FAM186B: variants seen among roughly 807,000 people sequenced by gnomAD.
The protein encoded by FAM186B is family with sequence similarity 186 member B.
FAM186B carries 68 observed loss-of-function variants against 83.4 expected under a neutral mutation model. That is an observed-to-expected ratio of 0.81 (90% CI 0.67 to 1.00). The LOEUF is 1.00. Ranked by LOEUF, FAM186B falls within the 50% of genes least tolerant of loss-of-function variation. The pLI is 0.00. For missense variants in FAM186B, 983 were observed against 1,099.2 expected (o/e 0.89, Z 1.49); for synonymous variants, 389 against 422.0 (o/e 0.92, Z 0.96).
chr12:49,594,181 C>A, intron 5 of FAM186B: 1 of 279,294 alleles, frequency 3.6e-6, no homozygotes, highest in South Asian at 5.2e-5. Context: ...ATCCAGGGAT[C>A]CAATCAGATG....
chr12:49,591,908 C>G (rs1360915332), intron 5 of FAM186B, among the ~76,000 whole-genome samples: 1 of 151,854 alleles, frequency 6.6e-6, no homozygotes, highest in Admixed American at 6.6e-5. Flanking sequence ...TAGGGAATAA[C>G]AAGAAAAAAA....
intron 1 of FAM186B, chr12:49,605,114 C>T: frequency 4.1e-6 from 5 of 1,232,472 alleles, no homozygotes; most frequent in Non-Finnish European, 5.2e-6. Context: ...ACCACACCAC[C>T]ACGATGTGCC....
intron 6 of FAM186B, 119 bp downstream of exon 6, chr12:49,588,335 T>G: frequency 7.9e-7 from 1 of 1,264,630 alleles, no homozygotes; most frequent in Non-Finnish European, 1.1e-6. Flanking sequence ...TTGCAACTCG[T>G]AGGGTGATAT....
the FAM186B span, among the ~76,000 whole-genome samples, chr12:49,611,065 CGTT>C: frequency 1.3e-5 from 2 of 151,158 alleles, no homozygotes; most frequent in Non-Finnish European, 2.9e-5. Flanking sequence ...CATGGTGAAA[CGTT>C]GTCTCTACTA....
At chr12:49,585,442 C>T (rs1939420875), downstream of FAM186B, among the ~76,000 whole-genome samples, 1 of 152,178 alleles carries the variant, frequency 6.6e-6, no homozygotes, top group East Asian at 1.9e-4. Context: ...ACACACAGCT[C>T]TCCCACCTGT....
At chr12:49,619,479 G>C in the FAM186B span, 1 of 676,954 alleles carries the variant, frequency 1.5e-6, no homozygotes, top group East Asian at 2.8e-5. Flanking sequence ...AAACTGAAGA[G>C]CAGGGGAAAT....
chr12:49,600,078 C>T lies in FAM186B; in HGVS notation c.1562G>A (p.Trp521Ter), dbSNP rs754446694. 5 of 1,607,950 alleles carry T rather than the reference C, an allele frequency of 3.1e-6. No homozygotes were observed. The highest frequency in any genetic ancestry group is 4.2e-6 in the Non-Finnish European group (5 of 1,176,908). ...EQEHQEKLRQWNLEDLAREQQ... is the reference protein window; with the variant it reads ...EQEHQEKLRQ ...CTCCCTGGCCAGGTCTTCCAGATTC[C>T]ACTGCCGCAGCTTCTCCTGATGCTC... The change falls in exon 4 of 7, where the codon TGG (tryptophan) becomes TAG (stop). Residue 521 changes from tryptophan (W) to a stop codon, truncating the protein, a stop_gained. Transcript: ENST00000257894. LOFTEE classifies it high-confidence loss of function. The surrounding 1 kb of genome is among the most constrained non-coding windows in gnomAD (Gnocchi z 4.3).
At chr12:49,588,978 G>A (rs1939515308) in intron 5 of FAM186B, among the ~76,000 whole-genome samples, 1 of 152,218 alleles carries the variant, frequency 6.6e-6, no homozygotes, top group Admixed American at 6.5e-5. Context: ...GGACTGCACT[G>A]GGTATCTTTT....
At chr12:49,588,720 C>T in intron 5 of FAM186B, 97 bp from the exon 6 acceptor site, 1 of 1,295,846 alleles carries the variant, frequency 7.7e-7, no homozygotes, top group Non-Finnish European at 1.1e-6. Flanking sequence ...CCCTGCTGGA[C>T]TCAGGGCTGA....
chr12:49,610,579 A>G (rs962936346), upstream of FAM186B, among the ~76,000 whole-genome samples: 4 of 151,872 alleles, frequency 2.6e-5, no homozygotes, highest in African/African-American at 9.7e-5. Context: ...TCATGAGGTC[A>G]GGAGACTGAG....
At chr12:49,622,520 A>C in the FAM186B span, 1 of 152,278 alleles carries the variant, frequency 6.6e-6, no homozygotes, top group Non-Finnish European at 1.5e-5. Context: ...TAAGAAAAGA[A>C]AACCGCAGAG....
downstream of FAM186B, chr12:49,584,080 C>A: frequency 5.5e-6 from 1 of 183,318 alleles, no homozygotes; most frequent in South Asian, 1.1e-4. Flanking sequence ...TTGTTCTCAC[C>A]TTCTGAGCTT....
In FAM186B at chr12:49,587,559, C is replaced by A; in HGVS notation, c.*46G>T. 6.2e-7 allele frequency: 1 copy of A among 1,612,858 alleles called. No homozygotes were observed. Among genetic ancestry groups the A allele is most frequent in the Non-Finnish European group, 8.5e-7 (1 of 1,178,824 alleles). The stretch of plus-strand genomic sequence containing the variant: ...GAATCCACATTGACCATCAGCCTCG[C>A]ACCTTACTGGGCCTTCAGGAAGTTC... On this transcript the variant is annotated 3_prime_UTR_variant, in exon 7 of 7. Coordinates refer to ENST00000257894, the MANE Select transcript of FAM186B (RefSeq NM_032130.3).
Position 49,598,736 on chromosome 12 carries a change from G to A in FAM186B, c.2364+19C>T, listed in dbSNP as rs555173522. ...CCCCAGGAGGCGGAGTGGCGGGGGGGTCAGGGCGGGAGGCCCACCTTGGGG... is the reference window on the plus strand; with the variant it reads ...CCCCAGGAGGCGGAGTGGCGGGGGGATCAGGGCGGGAGGCCCACCTTGGGG... On this transcript the variant is annotated intron_variant, in intron 5 of 6. Coordinates refer to ENST00000257894, the MANE Select transcript of FAM186B (RefSeq NM_032130.3). 3.9e-4 allele frequency: 604 copies of A among 1,556,824 alleles called. 13 individuals are homozygous for A. In the South Asian group the frequency reaches 6.9e-3, roughly 18 times the overall value.
At chr12:49,613,745 G>A in the FAM186B span, among the ~76,000 whole-genome samples, 44 of 148,212 alleles carry the variant, frequency 3.0e-4, no homozygotes, top group Middle Eastern at 0.012. Context: ...AGGCTGAGGC[G>A]GGAGGATCAC....
In FAM186B at chr12:49,600,041, T is replaced by A. The variant is rs767899751; in HGVS notation, c.1599A>T (p.Arg533Ser). The A allele has an allele frequency of 5.0e-6, 8 of 1,606,576 alleles. No individual in the cohort carries two copies. The highest frequency in any genetic ancestry group is 6.8e-6 in the Non-Finnish European group (8 of 1,176,226). Residue 533 changes from arginine to serine, a missense_variant, in exon 4 of 7, where the codon AGA (arginine) becomes AGT (serine). By Grantham distance (110) the Arg-to-Ser change is moderately radical. Transcript: ENST00000257894. This position sits in a 1 kb window ranked among gnomAD's most constrained non-coding sequence, Gnocchi z 4.3. The stretch of plus-strand genomic sequence containing the variant: ...CCTGCTCCTTTTCTAGCTGGACCCA[T>A]CTCCGCTGTTGCTCCCTGGCCAGGT... The part of the protein sequence containing the change: ...LEDLAREQQR[R>S]WVQLEKEQES...
At chr12:49,610,901 T>C in the FAM186B span, among the ~76,000 whole-genome samples, 1 of 152,172 alleles carries the variant, frequency 6.6e-6, no homozygotes, top group Non-Finnish European at 1.5e-5. Flanking sequence ...AAGTTTGGTC[T>C]TTTGAACTAA....
At chr12:49,605,101 CCCA>C (rs1219148481) in intron 1 of FAM186B, 28 of 1,151,682 alleles carry the variant, frequency 2.4e-5, no homozygotes, top group South Asian at 8.6e-5. Context: ...CCCTCTAAAA[CCCA>C]CCACACCACC....
At chr12:49,619,628 C>A in the FAM186B span, 2 of 408,746 alleles carry the variant, frequency 4.9e-6, no homozygotes, top group South Asian at 5.3e-5. Flanking sequence ...GAAATGCTAT[C>A]TTGGTTTTGT....
Sources: gnomAD v4.1 joint callset for allele counts (sites outside exome capture counted in the v4.1 genomes callset) on GRCh38, gnomAD v4.1.1 for gene constraint, Gnocchi (gnomAD v3.1) non-coding constraint, MANE v1.5 for transcripts, NCBI Gene and HGNC (gene_info 2026-07-23, HGNC 2026-07-21) for gene names.